Variants in SEMA5A observed in about 807,000 individuals in gnomAD.
The protein encoded by SEMA5A is semaphorin 5A, also known as semaphorin-5A.
In SEMA5A, 55 loss-of-function variants were observed where a neutral mutation model predicts 135.5. That is an observed-to-expected ratio of 0.41 (90% CI 0.33 to 0.51). The LOEUF is 0.51. SEMA5A is among the 20% of genes least tolerant of loss of function. The probability of loss-of-function intolerance (pLI) is 0.37; values close to 1 mark genes in which losing one functional copy is unlikely to be tolerated. For synonymous variants in SEMA5A, 580 were observed against 546.5 expected, an observed-to-expected ratio of 1.06 and a Z score of -0.85; for missense variants, 1,290 against 1,419.9, an observed-to-expected ratio of 0.91 and a Z score of 1.47.
chr5:9,109,811 A>G (rs1264178981), intron 15 of SEMA5A, among the ~76,000 whole-genome samples: 1 of 152,210 alleles, frequency 6.6e-6, no homozygotes, highest in African/African-American at 2.4e-5. Context: ...ACACAGTGGC[A>G]TTACTGTAAT....
intron 1 of SEMA5A, among the ~76,000 whole-genome samples, chr5:9,500,340 G>T (rs1735528495): frequency 6.6e-6 from 1 of 152,198 alleles, no homozygotes; most frequent in Non-Finnish European, 1.5e-5. Flanking sequence ...CCTCTGAAGT[G>T]ATATTCTTTC....
chr5:9,276,057 A>C (rs894637483), intron 5 of SEMA5A, among the ~76,000 whole-genome samples: 4 of 152,246 alleles, frequency 2.6e-5, no homozygotes, highest in Non-Finnish European at 4.4e-5. Flanking sequence ...CATATTTAGA[A>C]AATCCCATCA....
chr5:9,429,010 T>G lies in SEMA5A; in HGVS notation c.-78+8746A>C, dbSNP rs111873353. Among the ~76,000 whole-genome samples the G allele has an allele frequency of 4.4e-3, 664 of 152,360 alleles. 5 individuals are homozygous for G. Among genetic ancestry groups the G allele is most frequent in the African/African-American group, 0.015 (640 of 41,590 alleles). On this transcript the variant is annotated intron_variant, in intron 2 of 22. Coordinates refer to ENST00000382496, the MANE Select transcript of SEMA5A (RefSeq NM_003966.3). ...TATATGTATTTACAAAATACTACAA[T>G]GAATCCTACTTTAAATTGCCATTGC...
chr5:9,185,144 T>C (rs1452581603), intron 11 of SEMA5A, among the ~76,000 whole-genome samples: 2 of 152,180 alleles, frequency 1.3e-5, no homozygotes, highest in Non-Finnish European at 2.9e-5. Context: ...TCCATGCTGG[T>C]CTCAAACTTC....
At chr5:9,524,863 C>T (rs1254352851) in intron 1 of SEMA5A, among the ~76,000 whole-genome samples, 1 of 152,160 alleles carries the variant, frequency 6.6e-6, no homozygotes, top group Non-Finnish European at 1.5e-5. Context: ...GGTCCTGCCT[C>T]ACAGTCATAT....
intron 2 of SEMA5A, among the ~76,000 whole-genome samples, chr5:9,408,976 T>C (rs1235593005): frequency 6.6e-6 from 1 of 152,110 alleles, no homozygotes. Context: ...TTAAACACAG[T>C]TTAGACATCA....
intron 10 of SEMA5A, among the ~76,000 whole-genome samples, chr5:9,192,455 T>C (rs1745163305): frequency 6.6e-6 from 1 of 152,164 alleles, no homozygotes; most frequent in Non-Finnish European, 1.5e-5. Flanking sequence ...GAATGGTAAA[T>C]GCATTGGTCT....
intron 15 of SEMA5A, among the ~76,000 whole-genome samples, chr5:9,113,936 C>T (rs925062333): frequency 6.6e-6 from 1 of 152,198 alleles, no homozygotes; most frequent in African/African-American, 2.4e-5. Context: ...GCAGCAATTT[C>T]ACTCCTAGAT....
chr5:9,322,743 C>T (rs990007526), intron 4 of SEMA5A, among the ~76,000 whole-genome samples: 5 of 152,092 alleles, frequency 3.3e-5, no homozygotes, highest in South Asian at 2.1e-4. Flanking sequence ...ACAAGCCCCC[C>T]GTGTCTTGGT....
At chr5:9,068,026 C>T (rs1737569368) in intron 16 of SEMA5A, among the ~76,000 whole-genome samples, 1 of 152,052 alleles carries the variant, frequency 6.6e-6, no homozygotes, top group African/African-American at 2.4e-5. Context: ...TTTGGTCACA[C>T]TACTTTCTCC....
chr5:9,130,681 C>A (rs1048461497), intron 13 of SEMA5A, among the ~76,000 whole-genome samples: 4 of 152,178 alleles, frequency 2.6e-5, no homozygotes, highest in Non-Finnish European at 4.4e-5. Context: ...TCCAGACATA[C>A]AAGTAAACCT....
intron 3 of SEMA5A, among the ~76,000 whole-genome samples, chr5:9,377,132 T>C (rs1276529280): frequency 6.7e-6 from 1 of 148,352 alleles, no homozygotes; most frequent in Non-Finnish European, 1.5e-5. Context: ...AAGAATGACA[T>C]CAATCTCTAC....
In SEMA5A at chr5:9,041,572, A is replaced by G. The variant is rs1252691924; in HGVS notation, c.*1325T>C. 6.6e-6 allele frequency: 1 copy of G among 152,254 alleles called. No homozygotes were observed. Among genetic ancestry groups the G allele is most frequent in the Non-Finnish European group, 1.5e-5 (1 of 68,076 alleles). The allele number at this position is 152,254 out of a possible 1,614,324, so 9.4% of individuals were successfully genotyped here. On this transcript the variant is annotated 3_prime_UTR_variant, in exon 23 of 23. Coordinates refer to ENST00000382496, the MANE Select transcript of SEMA5A (RefSeq NM_003966.3). ...GTGAAGAGACCACAGGGATCCCAAA[A>G]ACCCTTACTTCCAGCTATCCTGACT... is the stretch of plus-strand genomic sequence containing the variant.
chr5:9,170,106 T>C (rs954999498), intron 11 of SEMA5A, among the ~76,000 whole-genome samples: 2 of 152,154 alleles, frequency 1.3e-5, no homozygotes, highest in Non-Finnish European at 2.9e-5. Flanking sequence ...GGAGTGACAA[T>C]GCCCCCCTTT....
intron 9 of SEMA5A, among the ~76,000 whole-genome samples, chr5:9,199,654 TA>T (rs553899768): frequency 1.3e-5 from 2 of 152,108 alleles, no homozygotes; most frequent in African/African-American, 4.8e-5. Context: ...ACAAGAGCAA[TA>T]AAAAAATCCT....
At chr5:9,171,326 A>AAG in intron 11 of SEMA5A, among the ~76,000 whole-genome samples, 1 of 152,144 alleles carries the variant, frequency 6.6e-6, no homozygotes, top group Non-Finnish European at 1.5e-5. Context: ...TGGACTTCCT[A>AAG]GGCAGGAAAT....
At position 9,050,432 on chromosome 5, in the gene SEMA5A, G is replaced by T. The variant is rs757473127; in HGVS notation, c.2871C>A (p.Ser957Arg). Residue 957 changes from serine to arginine, a missense_variant, in exon 21 of 23, where the codon AGC becomes AGA. Around this residue, in one of 3 missense-constraint regions of SEMA5A, gnomAD observed 1,029 missense variants for 1,086.6 expected, o/e 0.95. Transcript: ENST00000382496. Reference sequence around the variant, plus strand: ...TACCTCCACACCTTTTCTCTTCTACGCTACTGGATCTTGCCACAGATACTT... The same window carrying T: ...TACCTCCACACCTTTTCTCTTCTACTCTACTGGATCTTGCCACAGATACTT... ...IPEVSVARSS[S>R]VEEKRCGEFN... is the part of the protein sequence containing the mutation. 3.7e-6 allele frequency: 6 copies of T among 1,612,676 alleles called. No homozygotes were observed. Among genetic ancestry groups the T allele is most frequent in the Non-Finnish European group, 5.1e-6 (6 of 1,179,382 alleles).
At chr5:9,149,108 G>T (rs893655457) in intron 12 of SEMA5A, among the ~76,000 whole-genome samples, 2 of 152,170 alleles carry the variant, frequency 1.3e-5, no homozygotes, top group Non-Finnish European at 2.9e-5. Context: ...GTAATAAACT[G>T]TCTGGATCTA....
chr5:9,125,261 C>T (rs1741043627), intron 13 of SEMA5A, among the ~76,000 whole-genome samples: 1 of 152,186 alleles, frequency 6.6e-6, no homozygotes. Context: ...CCATACCTGG[C>T]TATCTATGTA....
Sources: gnomAD v4.1 joint callset for allele counts (sites outside exome capture counted in the v4.1 genomes callset) on GRCh38, gnomAD v4.1.1 for gene constraint, gnomAD v4.1.1 regional missense constraint, MANE v1.5 for transcripts, NCBI Gene and HGNC (gene_info 2026-07-23, HGNC 2026-07-21) for gene names.